USP29: variants seen among roughly 807,000 people sequenced by gnomAD.
The protein encoded by USP29 is ubiquitin specific peptidase 29.
For missense variants in USP29, 1,102 were observed against 1,069.0 expected (o/e 1.03, Z -0.43); for synonymous variants, 386 against 387.4 (o/e 1.00, Z 0.04).
At position 57,129,852 on chromosome 19, in the gene USP29, G is replaced by T. The variant is rs1191787711; in HGVS notation, c.1177G>T (p.Ala393Ser). 2 of 1,614,048 alleles carry T rather than the reference G, an allele frequency of 1.2e-6. No homozygotes were observed. The highest frequency in any genetic ancestry group is 1.7e-6 in the Non-Finnish European group (2 of 1,180,038). ...GAAAGAAGACATGGAAAAATTAAATGCCACTTTGAATACTGGGAAAGAATG... is the reference window on the plus strand; with the variant it reads ...GAAAGAAGACATGGAAAAATTAAATTCCACTTTGAATACTGGGAAAGAATG... ...QLKEDMEKLN[A>S]TLNTGKECGD... The change falls in exon 4 of 4, where the codon GCC becomes TCC. Residue 393 changes from alanine (A) to serine (S), a missense_variant. Coordinates refer to ENST00000254181, the MANE Select transcript of USP29 (RefSeq NM_020903.3).
At position 57,128,981 on chromosome 19, in the gene USP29, C is replaced by T. The variant is rs2086838431; in HGVS notation, c.306C>T (p.Ile102=). Residue 102 remains isoleucine (I), a synonymous_variant, in exon 4 of 4, where the codon ATC becomes ATT. Transcript: ENST00000254181. ...AGTTGAATATGTTCCTGGACATAAT[C>T]CACCAAAACAAATCTCAGCAACCCA... The part of the protein sequence containing the change: ...AKQLNMFLDI[I]HQNKSQQPMK... 1.2e-6 allele frequency: 2 copies of T among 1,613,954 alleles called. No homozygotes were observed. The highest frequency in any genetic ancestry group is 1.7e-6 in the Non-Finnish European group (2 of 1,180,034).
rs1396265010 is a variant in USP29 at position 57,130,842 on chromosome 19, A to T, written c.2167A>T (p.Ile723Phe). The change falls in exon 4 of 4, where the codon ATT becomes TTT. Residue 723 changes from isoleucine to phenylalanine, a missense_variant. Ile to Phe is a conservative substitution (Grantham distance 21). Transcript: ENST00000254181. ...NGFYDCKENR[I>F]PEGSQGMAEQ... ...CTTTTATGACTGTAAAGAAAACAGG[A>T]TTCCAGAAGGATCTCAAGGAATGGC... 2 of 1,614,224 alleles carry T rather than the reference A, an allele frequency of 1.2e-6. No homozygotes were observed. The highest frequency in any genetic ancestry group is 2.2e-5 in the South Asian group (2 of 91,084).
intron 3 of USP29, among the ~76,000 whole-genome samples, chr19:57,128,194 C>T (rs1401079876): frequency 1.3e-5 from 2 of 152,122 alleles, no homozygotes; most frequent in Non-Finnish European, 2.9e-5. Context: ...AGCTGCAGAG[C>T]GGAGCTGTTC....
Position 57,130,389 on chromosome 19 carries a change from G to A in USP29, c.1714G>A (p.Glu572Lys), listed in dbSNP as rs2086850260. 6.2e-7 allele frequency: 1 copy of A among 1,614,184 alleles called. No individual in the cohort carries two copies. The highest frequency in any genetic ancestry group is 8.5e-7 in the Non-Finnish European group (1 of 1,180,018). ...GGAAGTCTCTCAGGAGATGATTTCT[G>A]AGATCAACAGCCCATTGACACCATC... ...VLEVSQEMIS[E>K]INSPLTPSMK... The change falls in exon 4 of 4, where the codon GAG (glutamate) becomes AAG (lysine). Residue 572 changes from glutamate to lysine, a missense_variant. By Grantham distance (56) the Glu-to-Lys change is moderately conservative. Transcript: ENST00000254181.
Position 57,129,221 on chromosome 19 carries a change from C to A in USP29, c.546C>A (p.Asp182Glu), listed in dbSNP as rs748536472. ...CATCTGATGTACAGACAAATGAGGACATTCTGAAGGAAGATAACCCTGTAC... is the reference window on the plus strand; with the variant it reads ...CATCTGATGTACAGACAAATGAGGAAATTCTGAAGGAAGATAACCCTGTAC... ...TLSSDVQTNE[D>E]ILKEDNPVPN... Residue 182 changes from aspartate to glutamate, a missense_variant, in exon 4 of 4, where the codon GAC becomes GAA. Coordinates refer to ENST00000254181, the MANE Select transcript of USP29 (RefSeq NM_020903.3). 6.2e-7 allele frequency: 1 copy of A among 1,611,924 alleles called. No individual in the cohort carries two copies. The highest frequency in any genetic ancestry group is 8.5e-7 in the Non-Finnish European group (1 of 1,179,208).
chr19:57,125,363 G>A (rs144383865), intron 3 of USP29, among the ~76,000 whole-genome samples: 9,154 of 152,112 alleles, frequency 0.06, 351 homozygotes, highest in East Asian at 0.17. Flanking sequence ...TAACAGGGGG[G>A]TGTTAAAGTC....
rs145340466 is a variant in USP29, at chr19:57,126,376, C to T, written c.-17+2237C>T. ...TTTTCCAACTTGATTCCATTCTCCC[C>T]GTCACTTTCAGGTATACCAATCAAT... On this transcript the variant is annotated intron_variant, in intron 3 of 3. Coordinates refer to ENST00000254181, the MANE Select transcript of USP29 (RefSeq NM_020903.3). Among the ~76,000 whole-genome samples the T allele has an allele frequency of 5.3e-3, 811 of 152,226 alleles. 5 individuals carry two copies. Among genetic ancestry groups the T allele is most frequent in the African/African-American group, 0.018 (764 of 41,536 alleles).
Position 57,131,590 on chromosome 19 carries a change from T to A in USP29, c.*146T>A. ...AAAACACTTATTTTGGGGGAATATC[T>A]ATTTTAACTGCTTCAGACACCTAGA... On this transcript the variant is annotated 3_prime_UTR_variant, in exon 4 of 4. Coordinates refer to ENST00000254181, the MANE Select transcript of USP29 (RefSeq NM_020903.3). 1 of 1,315,448 alleles carries A rather than the reference T, an allele frequency of 7.6e-7. No individual in the cohort carries two copies. The highest frequency in any genetic ancestry group is 1.0e-6 in the Non-Finnish European group (1 of 966,704). The allele number at this position is 1,315,448 out of a possible 1,614,324, so 81.5% of individuals were successfully genotyped here.
Position 57,130,149 on chromosome 19 carries a change from A to G in USP29, c.1474A>G (p.Lys492Glu). 6.2e-7 allele frequency: 1 copy of G among 1,614,060 alleles called. No homozygotes were observed. Among genetic ancestry groups the G allele is most frequent in the Non-Finnish European group, 8.5e-7 (1 of 1,180,008 alleles). ...LEYNCQMCKQ[K>E]SCVARHTFSR... is the part of the protein sequence containing the mutation. ...ATATAACTGTCAGATGTGTAAGCAG[A>G]AGAGTTGTGTTGCAAGGCATACATT... The change falls in exon 4 of 4, where the codon AAG (lysine) becomes GAG (glutamate). Residue 492 changes from lysine to glutamate, a missense_variant. Coordinates refer to ENST00000254181, the MANE Select transcript of USP29 (RefSeq NM_020903.3).
In USP29 at chr19:57,128,648, TTTC is replaced by T. The variant is rs761303308; in HGVS notation, c.-16-6_-16-4del. 6.5e-7 allele frequency: 1 copy of T among 1,528,026 alleles called. No individual in the cohort carries two copies. The highest frequency in any genetic ancestry group is 8.7e-7 in the Non-Finnish European group (1 of 1,143,218). 94.7% of individuals were successfully genotyped at this position (1,528,026 alleles called of 1,614,324 possible). ...TTCTTGGTTAAAATGCATGTGTGCT[TTTC>T]TTCTTTAGGTTACATAAAGAAAGGA... On this transcript the variant is annotated splice_polypyrimidine_tract_variant and intron_variant, in intron 3 of 3. Coordinates refer to ENST00000254181, the MANE Select transcript of USP29 (RefSeq NM_020903.3).
At chr19:57,120,672 A>C (rs2086789677) in intron 1 of USP29, among the ~76,000 whole-genome samples, 1 of 149,016 alleles carries the variant, frequency 6.7e-6, no homozygotes, top group Non-Finnish European at 1.5e-5. Flanking sequence ...CTGTAATCCC[A>C]GCTACTGGGG....
At chr19:57,126,265 G>A (rs140347435) in intron 3 of USP29, among the ~76,000 whole-genome samples, 96 of 152,240 alleles carry the variant, frequency 6.3e-4, no homozygotes, top group African/African-American at 2.1e-3. Flanking sequence ...GAATATCTTT[G>A]TGGTATTCTC....
At chr19:57,127,350 A>G (rs1473901483) in intron 3 of USP29, among the ~76,000 whole-genome samples, 1 of 152,202 alleles carries the variant, frequency 6.6e-6, no homozygotes, top group African/African-American at 2.4e-5. Context: ...AGCAGGCAGA[A>G]AAGATTAAAT....
In USP29 at chr19:57,131,419, G is replaced by T. The variant is rs766097091; in HGVS notation, c.2744G>T (p.Gly915Val). ...GTGATCCCTCAGGGGGAATACGAAG[G>T]TGACTCTTTGTACAGACCTGCTTGA... ...AGVIPQGEYE[G>V]DSLYRPA The change falls in exon 4 of 4, where the codon GGT becomes GTT. Residue 915 changes from glycine (G) to valine (V), a missense_variant. Physicochemically the swap from Gly to Val is moderately radical, Grantham distance 109. Transcript: ENST00000254181. 4 of 1,612,836 alleles carry T rather than the reference G, an allele frequency of 2.5e-6. No individual in the cohort carries two copies. Among genetic ancestry groups the T allele is most frequent in the Non-Finnish European group, 3.4e-6 (4 of 1,179,538 alleles).
chr19:57,126,188 A>T (rs2086823394), intron 3 of USP29, among the ~76,000 whole-genome samples: 1 of 151,688 alleles, frequency 6.6e-6, no homozygotes, highest in Non-Finnish European at 1.5e-5. Context: ...TGCCCTTAAC[A>T]TTTTTTTCCT....
Position 57,129,260 on chromosome 19 carries a change from T to C in USP29, c.585T>C (p.Tyr195=), listed in dbSNP as rs774246145. 8.7e-6 allele frequency: 14 copies of C among 1,613,028 alleles called. No homozygotes were observed. The South Asian group carries it at 1.1e-4, about 13-fold the overall frequency. Residue 195 remains tyrosine (Y), a synonymous_variant, in exon 4 of 4, where the codon TAT becomes TAC. Coordinates refer to ENST00000254181, the MANE Select transcript of USP29 (RefSeq NM_020903.3). ...ATAACCCTGTACCAAACAAGAAATATAAGACAGATTCCTTGAAATATATAC... is the reference window on the plus strand; with the variant it reads ...ATAACCCTGTACCAAACAAGAAATACAAGACAGATTCCTTGAAATATATAC... ...KEDNPVPNKK[Y]KTDSLKYIQS...
intron 3 of USP29, among the ~76,000 whole-genome samples, chr19:57,124,580 T>C (rs1414930439): frequency 6.6e-6 from 1 of 151,862 alleles, no homozygotes; most frequent in Non-Finnish European, 1.5e-5. Context: ...GAGATCTCTG[T>C]TCACTGCAAC....
At chr19:57,120,908 A>G (rs1288430691) in intron 1 of USP29, among the ~76,000 whole-genome samples, 2 of 151,832 alleles carry the variant, frequency 1.3e-5, no homozygotes, top group African/African-American at 4.8e-5. Context: ...TGCCTGGGCA[A>G]CATAGCGAAA....
At chr19:57,119,735 A>G (rs1317570363), upstream of USP29, among the ~76,000 whole-genome samples, 3 of 152,086 alleles carry the variant, frequency 2.0e-5, no homozygotes, top group African/African-American at 4.8e-5. Context: ...GATGACTGTT[A>G]TTAACAATTC....
Sources: allele counts gnomAD v4.1 joint callset (sites outside exome capture counted in the v4.1 genomes callset), GRCh38; gene constraint gnomAD v4.1.1; transcripts MANE v1.5; gene names NCBI Gene and HGNC (gene_info 2026-07-23, HGNC 2026-07-21).